Variants in PEBP4 observed in about 807,000 individuals in gnomAD.
PEBP4 encodes the protein phosphatidylethanolamine binding protein 4, also known as phosphatidylethanolamine-binding protein 4.
Under a neutral mutation model 23.9 loss-of-function variants are expected in PEBP4, and 22 were observed. That is an observed-to-expected ratio of 0.92 (90% CI 0.66 to 1.31). The LOEUF is 1.31. Among genes scored for constraint, PEBP4 ranks in the 40% most tolerant of loss-of-function variants. The pLI is 0.00. For missense variants in PEBP4, 324 were observed against 281.7 expected (o/e 1.15, Z -1.07); for synonymous variants, 112 against 99.3 (o/e 1.13, Z -0.76).
chr8:22,818,949 T>C (rs542462698), intron 3 of PEBP4, among the ~76,000 whole-genome samples: 5 of 152,116 alleles, frequency 3.3e-5, no homozygotes, highest in Non-Finnish European at 7.4e-5. Flanking sequence ...CATTAAATGG[T>C]ACAAATAAGA....
intron 4 of PEBP4, among the ~76,000 whole-genome samples, chr8:22,787,009 G>T (rs1806043101): frequency 6.6e-6 from 1 of 151,838 alleles, no homozygotes; most frequent in Non-Finnish European, 1.5e-5. Flanking sequence ...TTTTTGTAGA[G>T]ACAGGGTCTC....
intron 4 of PEBP4, among the ~76,000 whole-genome samples, chr8:22,785,455 C>T (rs527757931): frequency 3.9e-5 from 6 of 152,274 alleles, no homozygotes; most frequent in South Asian, 4.1e-4. Context: ...CTCGGAGACG[C>T]CCTATCTCTG....
In PEBP4 at chr8:22,919,418, C is replaced by T. The variant is rs556481539; in HGVS notation, c.258+766G>A. The stretch of plus-strand genomic sequence containing the variant: ...GCCAGTCTCCACCATTGACACTCTG[C>T]GGGCTCAGTCTGGCCCAGGAGTCAA... On this transcript the variant is annotated intron_variant, in intron 3 of 6. Coordinates refer to ENST00000256404, the MANE Select transcript of PEBP4 (RefSeq NM_144962.3). 1.4e-4 allele frequency among the ~76,000 whole-genome samples: 22 copies of T among 152,280 alleles called. No individual in the cohort carries two copies. In the South Asian group the frequency reaches 2.1e-3, roughly 14 times the overall value.
intron 3 of PEBP4, among the ~76,000 whole-genome samples, chr8:22,836,094 G>A (rs139480680): frequency 6.6e-5 from 10 of 152,342 alleles, no homozygotes; most frequent in Non-Finnish European, 1.2e-4. Context: ...AATCCTACTC[G>A]GCTGCTGTGC....
chr8:22,864,985 G>A (rs891185880), intron 3 of PEBP4, among the ~76,000 whole-genome samples: 1 of 152,196 alleles, frequency 6.6e-6, no homozygotes, highest in Admixed American at 6.5e-5. Context: ...AGGAGTGCGG[G>A]GCGGGCAGCA....
intron 4 of PEBP4, among the ~76,000 whole-genome samples, chr8:22,727,760 C>A (rs1168780472): frequency 6.6e-6 from 1 of 152,160 alleles, no homozygotes; most frequent in Non-Finnish European, 1.5e-5. Context: ...GGCTACACTG[C>A]CTGATTCTGT....
intron 3 of PEBP4, among the ~76,000 whole-genome samples, chr8:22,866,589 C>G (rs1807906884): frequency 6.6e-6 from 1 of 152,030 alleles, no homozygotes; most frequent in African/African-American, 2.4e-5. Context: ...CACATAACCA[C>G]TATACTAAAC....
chr8:22,728,228 C>G (rs921398580), intron 4 of PEBP4, among the ~76,000 whole-genome samples: 2 of 152,136 alleles, frequency 1.3e-5, no homozygotes, highest in African/African-American at 4.8e-5. Flanking sequence ...GAGATCCAAT[C>G]CCCTAGCTTG....
intron 3 of PEBP4, among the ~76,000 whole-genome samples, chr8:22,891,376 C>A (rs1442233431): frequency 6.6e-6 from 1 of 152,188 alleles, no homozygotes; most frequent in Non-Finnish European, 1.5e-5. Context: ...TCCTACCTCA[C>A]CTGCTGTCTC....
At chr8:22,813,435 A>G (rs1806674866) in intron 4 of PEBP4, among the ~76,000 whole-genome samples, 1 of 152,212 alleles carries the variant, frequency 6.6e-6, no homozygotes, top group African/African-American at 2.4e-5. Context: ...TTCTTTGTGG[A>G]AAGTATTAAT....
chr8:22,779,651 T>C (rs572062541), intron 4 of PEBP4, among the ~76,000 whole-genome samples: 1 of 152,334 alleles, frequency 6.6e-6, no homozygotes, highest in Admixed American at 6.5e-5. Context: ...GGAATGTTCA[T>C]TCATTTGGCA....
intron 3 of PEBP4, among the ~76,000 whole-genome samples, chr8:22,876,210 C>T (rs772317512): frequency 2.0e-5 from 3 of 152,124 alleles, no homozygotes; most frequent in East Asian, 1.9e-4. Flanking sequence ...TGGGCCTGGC[C>T]GACAGATGTC....
chr8:22,772,276 G>C (rs1294954599), intron 4 of PEBP4, among the ~76,000 whole-genome samples: 2 of 152,230 alleles, frequency 1.3e-5, no homozygotes, highest in Admixed American at 1.3e-4. Context: ...GGGCAGGAGA[G>C]GGAGCAGGGA....
chr8:22,797,873 A>G (rs1806298543), intron 4 of PEBP4, among the ~76,000 whole-genome samples: 1 of 152,164 alleles, frequency 6.6e-6, no homozygotes, highest in Non-Finnish European at 1.5e-5. Context: ...GATGGCCAGA[A>G]AGGGCTGGTG....
intron 3 of PEBP4, among the ~76,000 whole-genome samples, chr8:22,856,223 C>G (rs1026722845): frequency 6.6e-6 from 1 of 151,890 alleles, no homozygotes; most frequent in African/African-American, 2.4e-5. Flanking sequence ...AGAGAAAAAT[C>G]ACAAAATAAA....
intron 3 of PEBP4, among the ~76,000 whole-genome samples, chr8:22,892,553 C>T (rs1808515721): frequency 6.6e-6 from 1 of 152,134 alleles, no homozygotes; most frequent in Admixed American, 6.5e-5. Flanking sequence ...GTATGGTTTC[C>T]ATTTTCTGCA....
At chr8:22,938,876 T>TA (rs1192316150) in intron 1 of PEBP4, among the ~76,000 whole-genome samples, 2 of 152,224 alleles carry the variant, frequency 1.3e-5, no homozygotes, top group African/African-American at 4.8e-5. Context: ...AGATGCTTAA[T>TA]AAATCGTTAC....
chr8:22,734,386 G>A (rs1256595325), intron 4 of PEBP4, among the ~76,000 whole-genome samples: 2 of 152,190 alleles, frequency 1.3e-5, no homozygotes, highest in Non-Finnish European at 2.9e-5. Context: ...AGAAGGAGGC[G>A]CAGATCTGAG....
In PEBP4 at chr8:22,716,704, G is replaced by A. The variant is rs28449854; in HGVS notation, c.518-3168C>T. 7.3e-3 allele frequency among the ~76,000 whole-genome samples: 1,115 copies of A among 152,336 alleles called. 17 individuals carry two copies. The highest frequency in any genetic ancestry group is 0.025 in the African/African-American group (1,047 of 41,574). ...CCATTGGGCCAGTTAGGGCTAAGCAGGCATCTGAGAGACTGAGAGGTGCTC... is the reference window on the plus strand; with the variant it reads ...CCATTGGGCCAGTTAGGGCTAAGCAAGCATCTGAGAGACTGAGAGGTGCTC... On this transcript the variant is annotated intron_variant, in intron 6 of 6. Transcript: ENST00000256404.
Sources: allele counts gnomAD v4.1 joint callset (sites outside exome capture counted in the v4.1 genomes callset), GRCh38; gene constraint gnomAD v4.1.1; transcripts MANE v1.5; gene names NCBI Gene and HGNC (gene_info 2026-07-23, HGNC 2026-07-21).